The following COL5A2 variants were observed in gnomAD, a reference collection of about 807,000 sequenced individuals.
COL5A2 encodes the protein collagen alpha-2(V) chain.
A neutral mutation model predicts 208.2 loss-of-function variants in COL5A2; 23 were observed. The observed-to-expected ratio is 0.11, with a 90% CI of 0.08 to 0.16. The LOEUF (loss-of-function observed/expected upper bound fraction) is 0.16, where lower values mean the gene tolerates loss of function less well. COL5A2 is among the 10% of genes least tolerant of loss of function. COL5A2 has a pLI of 1.00. For missense variants in COL5A2, 1,590 were observed against 1,956.4 expected (o/e 0.81, Z 3.53); for synonymous variants, 625 against 628.5 (o/e 0.99, Z 0.08).
At chr2:189,300,037 C>T in the COL5A2 span, among the ~76,000 whole-genome samples, 13 of 152,256 alleles carry the variant, frequency 8.5e-5, no homozygotes, top group East Asian at 1.7e-3. Context: ...TTCAGCAAAT[C>T]ATTCCATAGT....
the COL5A2 span, among the ~76,000 whole-genome samples, chr2:189,337,206 G>A: frequency 1.4e-5 from 2 of 143,846 alleles, no homozygotes; most frequent in African/African-American, 2.6e-5. Context: ...TTTTTGAGAC[G>A]GAGTCTCGCT....
At chr2:189,419,956 TGAGAGGAGAG>T in the COL5A2 span, among the ~76,000 whole-genome samples, 14 of 53,844 alleles carry the variant, frequency 2.6e-4, no homozygotes, top group African/African-American at 1.0e-3. Flanking sequence ...GGAAAAGAGG[TGAGAGGAGAG>T]GAGAGGAGAG....
rs201299651 is a variant in COL5A2, at chr2:189,085,131, T to A, written c.798+29A>T. 1.9e-6 allele frequency: 3 copies of A among 1,601,368 alleles called. No individual in the cohort carries two copies. The South Asian group carries it at 3.3e-5, about 18-fold the overall frequency. On this transcript the variant is annotated intron_variant, in intron 11 of 53. Coordinates refer to ENST00000374866, the MANE Select transcript of COL5A2 (RefSeq NM_000393.5). ...TTAACCCCTTCGCCTCTTCAAAACC[T>A]GAATGGAAAATGAGGAAAGGTAGCT...
At chr2:189,338,390 G>A in the COL5A2 span, among the ~76,000 whole-genome samples, 1 of 152,148 alleles carries the variant, frequency 6.6e-6, no homozygotes, top group African/African-American at 2.4e-5. Context: ...TCTCTTGTTT[G>A]CTTCTAAGTA....
the COL5A2 span, among the ~76,000 whole-genome samples, chr2:189,392,214 G>C: frequency 6.6e-6 from 1 of 152,054 alleles, no homozygotes; most frequent in Non-Finnish European, 1.5e-5. Context: ...AGTAAAATTT[G>C]GGGATGTGAA....
the COL5A2 span, among the ~76,000 whole-genome samples, chr2:189,301,737 A>T: frequency 6.6e-6 from 1 of 152,208 alleles, no homozygotes; most frequent in Admixed American, 6.5e-5. Context: ...GAAACCACAA[A>T]ATAAAATATT....
chr2:189,054,104 C>T (rs1454071765), intron 36 of COL5A2, 55 bp downstream of exon 36: 2 of 1,491,660 alleles, frequency 1.3e-6, no homozygotes, highest in Non-Finnish European at 1.9e-6. Flanking sequence ...TATGAAAGAG[C>T]CTGCTATTCA....
At chr2:189,351,822 T>C in the COL5A2 span, among the ~76,000 whole-genome samples, 8 of 152,142 alleles carry the variant, frequency 5.3e-5, no homozygotes, top group East Asian at 5.8e-4. Context: ...ATTATAGTTA[T>C]TATACTTTAA....
At chr2:189,429,853 C>G in the COL5A2 span, among the ~76,000 whole-genome samples, 1 of 152,130 alleles carries the variant, frequency 6.6e-6, no homozygotes, top group African/African-American at 2.4e-5. Context: ...ATTTATCATT[C>G]AGGGATAATA....
the COL5A2 span, among the ~76,000 whole-genome samples, chr2:189,237,003 AT>A: frequency 6.6e-6 from 1 of 151,676 alleles, no homozygotes; most frequent in Non-Finnish European, 1.5e-5. Context: ...TACCTTTTAC[AT>A]TTAGATTAGA....
the COL5A2 span, among the ~76,000 whole-genome samples, chr2:189,327,803 C>T: frequency 6.6e-6 from 1 of 152,142 alleles, no homozygotes; most frequent in Admixed American, 6.5e-5. Flanking sequence ...TATAGTTAAT[C>T]TTGATCCTAC....
chr2:189,245,728 C>T, the COL5A2 span, among the ~76,000 whole-genome samples: 1 of 152,218 alleles, frequency 6.6e-6, no homozygotes, highest in African/African-American at 2.4e-5. Flanking sequence ...CCCACCTCGG[C>T]CTCCCAAAGT....
chr2:189,113,901 TC>T (rs1687334569), intron 1 of COL5A2, among the ~76,000 whole-genome samples: 1 of 152,066 alleles, frequency 6.6e-6, no homozygotes, highest in African/African-American at 2.4e-5. Flanking sequence ...TCCTTGTGGC[TC>T]CTTTAGGGTT....
intron 1 of COL5A2, among the ~76,000 whole-genome samples, chr2:189,202,660 G>A (rs1480127325): frequency 6.6e-6 from 1 of 152,112 alleles, no homozygotes; most frequent in Non-Finnish European, 1.5e-5. Flanking sequence ...GTTAGAGTGT[G>A]AGATTCCATA....
At chr2:189,148,238 T>C (rs1037837668) in intron 1 of COL5A2, among the ~76,000 whole-genome samples, 2 of 152,146 alleles carry the variant, frequency 1.3e-5, no homozygotes, top group African/African-American at 4.8e-5. Flanking sequence ...ATGCTAGTTT[T>C]ATAGGCCAAC....
At chr2:189,319,473 T>C in the COL5A2 span, among the ~76,000 whole-genome samples, 2 of 152,258 alleles carry the variant, frequency 1.3e-5, no homozygotes, top group African/African-American at 2.4e-5. Context: ...ACACTAATAC[T>C]GCGCTTTTCC....
At chr2:189,245,440 C>T in the COL5A2 span, among the ~76,000 whole-genome samples, 1 of 151,148 alleles carries the variant, frequency 6.6e-6, no homozygotes, top group South Asian at 2.1e-4. Flanking sequence ...GGTATGCCTA[C>T]TATATCTGTT....
chr2:189,336,319 A>G, the COL5A2 span, among the ~76,000 whole-genome samples: 1 of 152,354 alleles, frequency 6.6e-6, no homozygotes, highest in African/African-American at 2.4e-5. Flanking sequence ...ACCACTGTGA[A>G]ACACTGGCAA....
the COL5A2 span, among the ~76,000 whole-genome samples, chr2:189,414,114 T>C: frequency 1.3e-5 from 2 of 152,092 alleles, no homozygotes. Flanking sequence ...TTTTATTGGA[T>C]GCTATATTGA....
Sources: gnomAD v4.1 joint callset for allele counts (sites outside exome capture counted in the v4.1 genomes callset) on GRCh38, gnomAD v4.1.1 for gene constraint, MANE v1.5 for transcripts, NCBI Gene and HGNC (gene_info 2026-07-23, HGNC 2026-07-21) for gene names.